Variants in CAMK4 observed in about 807,000 individuals in gnomAD.
CAMK4 encodes calcium/calmodulin dependent protein kinase IV.
CAMK4 carries 22 observed loss-of-function variants against 44.9 expected under a neutral mutation model. That is an observed-to-expected ratio of 0.49 (90% CI 0.35 to 0.70). The LOEUF (loss-of-function observed/expected upper bound fraction) is 0.70. Ranked by LOEUF, CAMK4 falls within the 30% of genes least tolerant of loss-of-function variation. The pLI, the probability that CAMK4 is intolerant of heterozygous loss-of-function variation, is 0.01. For missense variants in CAMK4, 498 were observed against 586.8 expected, an observed-to-expected ratio of 0.85 and a Z score of 1.56; for synonymous variants, 218 against 215.4, an observed-to-expected ratio of 1.01 and a Z score of -0.11.
intron 1 of CAMK4, among the ~76,000 whole-genome samples, chr5:111,242,640 G>A (rs184408390): frequency 3.9e-5 from 6 of 152,248 alleles, no homozygotes; most frequent in Non-Finnish European, 8.8e-5. Flanking sequence ...CATCCAGGAT[G>A]TGAAAGTCCT....
chr5:111,448,633 G>A (rs1050658319), intron 6 of CAMK4, among the ~76,000 whole-genome samples: 7 of 152,034 alleles, frequency 4.6e-5, no homozygotes, highest in African/African-American at 9.7e-5. Flanking sequence ...GTGAAACTCC[G>A]TCTCTACTAA....
At chr5:111,381,246 T>C (rs1751400542) in intron 4 of CAMK4, among the ~76,000 whole-genome samples, 1 of 152,086 alleles carries the variant, frequency 6.6e-6, no homozygotes, top group South Asian at 2.1e-4. Flanking sequence ...GATAGATGTA[T>C]ATATGTAGGG....
chr5:111,363,492 C>G (rs1372574921), intron 2 of CAMK4, among the ~76,000 whole-genome samples: 1 of 152,072 alleles, frequency 6.6e-6, no homozygotes, highest in African/African-American at 2.4e-5. Flanking sequence ...TCATAGAACT[C>G]ATGCTCCGAT....
chr5:111,311,873 ATGTTG>A (rs1748219524), intron 1 of CAMK4, among the ~76,000 whole-genome samples: 1 of 152,016 alleles, frequency 6.6e-6, no homozygotes, highest in African/African-American at 2.4e-5. Flanking sequence ...CAGTGAGGTG[ATGTTG>A]TGTTGTTGCT....
intron 1 of CAMK4, among the ~76,000 whole-genome samples, chr5:111,268,147 T>G (rs1408193518): frequency 6.6e-6 from 1 of 152,222 alleles, no homozygotes; most frequent in Admixed American, 6.5e-5. Flanking sequence ...TGTAGATCCA[T>G]GGACACATTA....
intron 7 of CAMK4, among the ~76,000 whole-genome samples, chr5:111,460,027 G>A (rs150099525): frequency 1.3e-5 from 2 of 152,158 alleles, no homozygotes; most frequent in East Asian, 3.9e-4. Flanking sequence ...GGGATGATGG[G>A]AGGAAAAGAG....
chr5:111,443,112 G>A (rs1356649539), intron 5 of CAMK4, among the ~76,000 whole-genome samples: 1 of 149,096 alleles, frequency 6.7e-6, no homozygotes. Context: ...CCTTCTACCT[G>A]TCTTCCTGAC....
At chr5:111,261,465 G>A (rs777747994) in intron 1 of CAMK4, among the ~76,000 whole-genome samples, 7 of 152,014 alleles carry the variant, frequency 4.6e-5, no homozygotes, top group Non-Finnish European at 1.0e-4. Context: ...CTGAGGTTTC[G>A]AGGATAGCCT....
chr5:111,329,821 TAAGA>T (rs1476027597), intron 1 of CAMK4, among the ~76,000 whole-genome samples: 1 of 151,704 alleles, frequency 6.6e-6, no homozygotes, highest in Non-Finnish European at 1.5e-5. Flanking sequence ...CTCAGCAAAG[TAAGA>T]AAGAAAGGGA....
intron 1 of CAMK4, among the ~76,000 whole-genome samples, chr5:111,291,726 G>C (rs746198227): frequency 6.6e-6 from 1 of 152,048 alleles, no homozygotes; most frequent in Non-Finnish European, 1.5e-5. Context: ...TGCACAGCTG[G>C]TCTCAAACTC....
chr5:111,443,653 C>A (rs1210396099), intron 5 of CAMK4, among the ~76,000 whole-genome samples: 1 of 151,942 alleles, frequency 6.6e-6, no homozygotes, highest in Non-Finnish European at 1.5e-5. Flanking sequence ...ACGCAACCAC[C>A]TTTTCGTTTC....
chr5:111,264,528 G>A (rs1341959878), intron 1 of CAMK4, among the ~76,000 whole-genome samples: 3 of 152,148 alleles, frequency 2.0e-5, no homozygotes, highest in Non-Finnish European at 4.4e-5. Flanking sequence ...AGTGTCGTTT[G>A]TCAGTGCTTT....
intron 1 of CAMK4, among the ~76,000 whole-genome samples, chr5:111,238,808 CTTTTTTTTT>C (rs57552178): frequency 6.5e-5 from 3 of 45,892 alleles, no homozygotes; most frequent in African/African-American, 9.1e-5. Flanking sequence ...AGAGGCTCTT[CTTTTTTTTT>C]TTTTTTTTTT....
intron 1 of CAMK4, among the ~76,000 whole-genome samples, chr5:111,232,360 G>A (rs999442300): frequency 3.9e-5 from 6 of 152,124 alleles, no homozygotes; most frequent in Non-Finnish European, 5.9e-5. Context: ...GTGTCTTTAT[G>A]GGGGAGGGGT....
chr5:111,350,346 A>G (rs1469895699), intron 2 of CAMK4, among the ~76,000 whole-genome samples: 1 of 152,116 alleles, frequency 6.6e-6, no homozygotes, highest in African/African-American at 2.4e-5. Context: ...ATTTAAAGTC[A>G]AACAGTGAGT....
At chr5:111,265,030 C>A (rs1201936636) in intron 1 of CAMK4, among the ~76,000 whole-genome samples, 2 of 151,950 alleles carry the variant, frequency 1.3e-5, no homozygotes, top group Non-Finnish European at 2.9e-5. Context: ...TCTATCACCA[C>A]CTTCCAGTTT....
intron 1 of CAMK4, among the ~76,000 whole-genome samples, chr5:111,274,738 A>G (rs1353702077): frequency 6.6e-6 from 1 of 152,164 alleles, no homozygotes; most frequent in African/African-American, 2.4e-5. Flanking sequence ...TGCTAACATT[A>G]CATGTGAAAT....
At chr5:111,476,666 G>C (rs898900091) in intron 8 of CAMK4, among the ~76,000 whole-genome samples, 6 of 152,120 alleles carry the variant, frequency 3.9e-5, no homozygotes, top group African/African-American at 9.7e-5. Context: ...GGCTGAAAAT[G>C]AAGGCCATTC....
chr5:111,436,753 A>G (rs1028828208), intron 5 of CAMK4, among the ~76,000 whole-genome samples: 15 of 152,178 alleles, frequency 9.9e-5, no homozygotes, highest in Non-Finnish European at 8.8e-5. Context: ...AAGTCAACAC[A>G]TCAGTTTCGC....
Sources: gnomAD v4.1 joint callset for allele counts (sites outside exome capture counted in the v4.1 genomes callset) on GRCh38, gnomAD v4.1.1 for gene constraint, MANE v1.5 for transcripts, NCBI Gene and HGNC (gene_info 2026-07-23, HGNC 2026-07-21) for gene names.